TULP4: variants seen among roughly 807,000 people sequenced by gnomAD.
The protein encoded by TULP4 is TUB like protein 4.
TULP4 carries 16 observed loss-of-function variants against 129.0 expected under a neutral mutation model. The observed-to-expected ratio is 0.12, with a 90% CI of 0.08 to 0.19. The LOEUF is 0.19. TULP4 is among the 10% of genes least tolerant of loss of function. The pLI is 1.00. For missense variants in TULP4, 1,842 were observed against 2,059.1 expected, an observed-to-expected ratio of 0.89 and a Z score of 2.04; for synonymous variants, 998 against 854.0, an observed-to-expected ratio of 1.17 and a Z score of -2.94.
chr6:158,278,508 G>A (rs191212700), upstream of TULP4, among the ~76,000 whole-genome samples: 192 of 151,628 alleles, frequency 1.3e-3, no homozygotes, highest in African/African-American at 4.5e-3. Context: ...TGATCGAAAA[G>A]CTTAATTTTC....
Position 158,454,020 on chromosome 6 carries a change from C to CT in TULP4, c.859+1752_859+1753insT, listed in dbSNP as rs1562572942. 9.9e-4 allele frequency among the ~76,000 whole-genome samples: 44 copies of CT among 44,584 alleles called. 4 individuals are homozygous for CT. In the South Asian group the frequency reaches 0.011, roughly 11 times the overall value. 29.2% of individuals were successfully genotyped at this position (44,584 alleles called of 152,430 possible). On this transcript the variant is annotated intron_variant, in intron 5 of 13. Transcript: ENST00000367097. ...GCAAGAATCATACCTGCCTCTGCACCGCCCCCCCCCAAGTAATTACTCTAT... is the reference window on the plus strand; with the variant it reads ...GCAAGAATCATACCTGCCTCTGCACCTGCCCCCCCCCAAGTAATTACTCTAT...
At chr6:158,363,357 T>C (rs1435187667) in intron 1 of TULP4, among the ~76,000 whole-genome samples, 8 of 152,368 alleles carry the variant, frequency 5.3e-5, no homozygotes, top group Non-Finnish European at 1.2e-4. Flanking sequence ...TAAATCACTG[T>C]TACATCTTTG....
intron 8 of TULP4, among the ~76,000 whole-genome samples, chr6:158,486,202 T>C (rs894807392): frequency 2.6e-5 from 4 of 151,792 alleles, no homozygotes; most frequent in African/African-American, 9.7e-5. Flanking sequence ...GTATTTGGAG[T>C]TAGGACTTAC....
chr6:158,378,213 A>C (rs568592135), intron 1 of TULP4, among the ~76,000 whole-genome samples: 1 of 152,326 alleles, frequency 6.6e-6, no homozygotes, highest in East Asian at 1.9e-4. Context: ...TCACAGGATG[A>C]GCCCAGATTC....
At chr6:158,396,016 C>G (rs1777706887) in intron 1 of TULP4, among the ~76,000 whole-genome samples, 1 of 152,160 alleles carries the variant, frequency 6.6e-6, no homozygotes, top group Non-Finnish European at 1.5e-5. Flanking sequence ...TTGCCTGGCT[C>G]CACCATTTAA....
At chr6:158,400,357 C>T (rs1408933742) in intron 1 of TULP4, among the ~76,000 whole-genome samples, 2 of 152,060 alleles carry the variant, frequency 1.3e-5, no homozygotes, top group African/African-American at 4.8e-5. Context: ...TACAGTCAAC[C>T]CAAAAGAAAT....
At chr6:158,340,472 C>G (rs770928609) in intron 1 of TULP4, among the ~76,000 whole-genome samples, 1 of 152,082 alleles carries the variant, frequency 6.6e-6, no homozygotes, top group Non-Finnish European at 1.5e-5. Context: ...GTGCATATCT[C>G]GTCAGCTGAT....
At chr6:158,478,984 CTG>C (rs1402252692) in intron 6 of TULP4, among the ~76,000 whole-genome samples, 3 of 152,158 alleles carry the variant, frequency 2.0e-5, no homozygotes, top group Non-Finnish European at 4.4e-5. Context: ...AATGCAGTGA[CTG>C]TGGGTTATAT....
intron 1 of TULP4, among the ~76,000 whole-genome samples, chr6:158,323,371 A>G (rs1031166974): frequency 1.3e-5 from 2 of 152,186 alleles, no homozygotes; most frequent in African/African-American, 4.8e-5. Flanking sequence ...TGCTTAATGT[A>G]TTCAGCATGT....
At chr6:158,261,555 A>C (rs1405060308) in intron 1 of TULP4, among the ~76,000 whole-genome samples, 1 of 152,226 alleles carries the variant, frequency 6.6e-6, no homozygotes, top group East Asian at 1.9e-4. Context: ...CAAATACTTA[A>C]TGAACATAAA....
In TULP4 at chr6:158,501,906, A is replaced by G. The variant is rs769506508; in HGVS notation, c.2243A>G (p.Asn748Ser). The G allele has an allele frequency of 6.2e-7, 1 of 1,614,090 alleles. No homozygotes were observed. Among genetic ancestry groups the G allele is most frequent in the South Asian group, 1.1e-5 (1 of 91,084 alleles). Residue 748 changes from asparagine (N) to serine (S), a missense_variant, in exon 13 of 14, where the codon AAC (asparagine) becomes AGC (serine). Coordinates refer to ENST00000367097, the MANE Select transcript of TULP4 (RefSeq NM_020245.5). ...AGTGCCACCCAGTACCCAGTCTCCA[A>G]CCGGTACTCCAATCCTGGACAGGTG... ...GDSATQYPVSNRYSNPGQVIF... is the reference protein window; with the variant it reads ...GDSATQYPVSSRYSNPGQVIF...
At chr6:158,238,136 C>G (rs1777757053) in intron 1 of TULP4, 2 of 747,086 alleles carry the variant, frequency 2.7e-6, no homozygotes, top group South Asian at 1.4e-5. Flanking sequence ...GCTTTAACTC[C>G]TCTCTGCTTC....
chr6:158,274,647 G>C (rs535163676), intron 1 of TULP4, among the ~76,000 whole-genome samples: 1 of 152,150 alleles, frequency 6.6e-6, no homozygotes, highest in East Asian at 1.9e-4. Flanking sequence ...TGTGGTGGCG[G>C]GCGCCTGTAG....
Position 158,312,487 on chromosome 6 carries a change from GTGTT to G in TULP4, c.-1525_-1522del. 5.5e-6 allele frequency: 1 copy of G among 181,716 alleles called. No individual in the cohort carries two copies. The highest frequency in any genetic ancestry group is 1.1e-5 in the Non-Finnish European group (1 of 88,004). The allele number at this position is 181,716 out of a possible 1,614,324, so 11.3% of individuals were successfully genotyped here. On this transcript the variant is annotated 5_prime_UTR_variant, in exon 1 of 14. Transcript: ENST00000367097. ...TTCAAACATTGCAGCGGCTCACACA[GTGTT>G]TGTTGCACTTTATTTTTCAGTGGGT...
At chr6:158,281,529 G>T (rs1778753441), upstream of TULP4, among the ~76,000 whole-genome samples, 1 of 152,170 alleles carries the variant, frequency 6.6e-6, no homozygotes, top group African/African-American at 2.4e-5. Flanking sequence ...CAGAAGGGTT[G>T]ATGGGGGCAG....
chr6:158,344,376 C>G (rs1309280443), intron 1 of TULP4, among the ~76,000 whole-genome samples: 1 of 152,192 alleles, frequency 6.6e-6, no homozygotes, highest in Non-Finnish European at 1.5e-5. Flanking sequence ...CTGAGCTTCC[C>G]TTTATTGGAC....
intron 1 of TULP4, chr6:158,238,446 T>A (rs1222403712): frequency 1.6e-5 from 7 of 448,342 alleles, no homozygotes; most frequent in African/African-American, 1.3e-4. Context: ...TTTATTTTTT[T>A]ATTGATAATT....
Position 158,450,607 on chromosome 6 carries a change from G to T in TULP4, c.724+1431G>T, listed in dbSNP as rs181770290. Among the ~76,000 whole-genome samples the T allele has an allele frequency of 4.1e-3, 627 of 152,192 alleles. 2 individuals are homozygous for T. Among genetic ancestry groups the T allele is most frequent in the South Asian group, 8.7e-3 (42 of 4,810 alleles). On this transcript the variant is annotated intron_variant, in intron 4 of 13. Coordinates refer to ENST00000367097, the MANE Select transcript of TULP4 (RefSeq NM_020245.5). ...AATTAACCATCCCCTTTCCTAATAG[G>T]ATACCAGCCTTGAGAGAAGTGTTGG...
intron 1 of TULP4, among the ~76,000 whole-genome samples, chr6:158,412,252 C>T (rs745561440): frequency 6.6e-6 from 1 of 152,156 alleles, no homozygotes; most frequent in Admixed American, 6.5e-5. Flanking sequence ...CAGGAACAGC[C>T]TCAGGGAACA....
Sources: allele counts gnomAD v4.1 joint callset (sites outside exome capture counted in the v4.1 genomes callset), GRCh38; gene constraint gnomAD v4.1.1; transcripts MANE v1.5; gene names NCBI Gene and HGNC (gene_info 2026-07-23, HGNC 2026-07-21).